MTMR7: variants seen among roughly 807,000 people sequenced by gnomAD.
MTMR7 encodes myotubularin related protein 7.
In MTMR7, 76 loss-of-function variants were observed where a neutral mutation model predicts 81.2. The ratio of observed to expected loss-of-function variants is 0.94; its 90% CI spans 0.78 to 1.13. The LOEUF is 1.13. Among genes scored for constraint, MTMR7 ranks in the 50% most tolerant of loss-of-function variants. The pLI is 0.00. For synonymous variants in MTMR7, 372 were observed against 289.8 expected, an observed-to-expected ratio of 1.28 and a Z score of -2.88; for missense variants, 1,044 against 820.0, an observed-to-expected ratio of 1.27 and a Z score of -3.34.
At chr8:17,373,269 T>G in intron 1 of MTMR7, 29 bp from the exon 2 acceptor site, 1 of 1,600,414 alleles carries the variant, frequency 6.2e-7, no homozygotes, top group Non-Finnish European at 8.5e-7. Context: ...TGAAAAGAGT[T>G]ACCGTAAAGC....
At chr8:17,393,453 A>G (rs923681292) in intron 1 of MTMR7, among the ~76,000 whole-genome samples, 11 of 152,228 alleles carry the variant, frequency 7.2e-5, no homozygotes, top group Admixed American at 5.9e-4. Context: ...AGAATGAAAG[A>G]AAATATTTGC....
chr8:17,343,851 T>G (rs1015157476), intron 5 of MTMR7, among the ~76,000 whole-genome samples: 2 of 152,210 alleles, frequency 1.3e-5, no homozygotes, highest in Non-Finnish European at 2.9e-5. Context: ...GTAGTCTCAG[T>G]GCTTTTGTGC....
At chr8:17,313,819 T>C (rs6587030) in intron 7 of MTMR7, among the ~76,000 whole-genome samples, 151,613 of 152,314 alleles carry the variant, frequency 1, 75,462 homozygotes, top group Middle Eastern at 1. Flanking sequence ...TAGAAGTTTC[T>C]GTCACCCAAC....
At chr8:17,321,363 C>A (rs1818381106) in intron 7 of MTMR7, among the ~76,000 whole-genome samples, 1 of 152,204 alleles carries the variant, frequency 6.6e-6, no homozygotes, top group African/African-American at 2.4e-5. Context: ...GTGGCTCTCA[C>A]CATGTCAGCA....
At chr8:17,404,885 G>A (rs927915167) in intron 1 of MTMR7, among the ~76,000 whole-genome samples, 3 of 152,176 alleles carry the variant, frequency 2.0e-5, no homozygotes, top group African/African-American at 7.2e-5. Flanking sequence ...GAGTGCAGCG[G>A]CGCGATCTCA....
intron 3 of MTMR7, 91 bp from the exon 4 acceptor site, chr8:17,361,365 C>G: frequency 6.9e-7 from 1 of 1,441,352 alleles, no homozygotes; most frequent in Non-Finnish European, 9.6e-7. Flanking sequence ...CTGGAGTGCC[C>G]AGAGAGGCCA....
chr8:17,371,292 G>C (rs1820413688), intron 2 of MTMR7, 93 bp from the exon 3 acceptor site: 3 of 1,414,108 alleles, frequency 2.1e-6, no homozygotes, highest in Non-Finnish European at 2.9e-6. Context: ...AGAAAGACAA[G>C]AAACGCTCCC....
chr8:17,393,999 A>G (rs1193327823), intron 1 of MTMR7, among the ~76,000 whole-genome samples: 1 of 152,210 alleles, frequency 6.6e-6, no homozygotes, highest in East Asian at 1.9e-4. Context: ...AACTACCACA[A>G]GATACCGCTT....
intron 7 of MTMR7, among the ~76,000 whole-genome samples, chr8:17,330,335 C>T (rs1030525136): frequency 1.8e-4 from 27 of 152,188 alleles, no homozygotes; most frequent in Non-Finnish European, 3.4e-4. Context: ...CAGGGCTTTC[C>T]CCAGAAGCGC....
At chr8:17,378,955 A>G (rs73551326) in intron 1 of MTMR7, among the ~76,000 whole-genome samples, 6,295 of 152,286 alleles carry the variant, frequency 0.041, 307 homozygotes, top group African/African-American at 0.11. Context: ...GCGAGCAGGC[A>G]GAGTGAGAAG....
chr8:17,337,314 G>A (rs546414152), intron 6 of MTMR7, among the ~76,000 whole-genome samples: 6 of 148,816 alleles, frequency 4.0e-5, no homozygotes, highest in Non-Finnish European at 7.4e-5. Context: ...GCAGTGATCC[G>A]AGATCGTGCC....
chr8:17,333,874 C>G (rs1208443423), intron 6 of MTMR7, among the ~76,000 whole-genome samples: 2 of 151,812 alleles, frequency 1.3e-5, no homozygotes, highest in Admixed American at 6.6e-5. Flanking sequence ...CCTTCACCCA[C>G]AAGGGACAGG....
At chr8:17,381,945 T>A (rs1314287208) in intron 1 of MTMR7, among the ~76,000 whole-genome samples, 1 of 152,214 alleles carries the variant, frequency 6.6e-6, no homozygotes, top group African/African-American at 2.4e-5. Context: ...TCCCTGCATT[T>A]TGACTTCTAT....
At chr8:17,308,601 G>T (rs1165212420) in intron 10 of MTMR7, among the ~76,000 whole-genome samples, 1 of 152,068 alleles carries the variant, frequency 6.6e-6, no homozygotes, top group Non-Finnish European at 1.5e-5. Context: ...TATCACCAAA[G>T]ACTAAACTAA....
rs566489588 is a variant in MTMR7 at position 17,343,316 on chromosome 8, G to C, written c.598-1819C>G. On this transcript the variant is annotated intron_variant, in intron 5 of 13. Transcript: ENST00000180173. ...ATGGTGGTACACACATGCAATCCCAGATACCCAGGGGGCTGAGGCAGGAGA... is the reference window on the plus strand; with the variant it reads ...ATGGTGGTACACACATGCAATCCCACATACCCAGGGGGCTGAGGCAGGAGA... 5.3e-5 allele frequency among the ~76,000 whole-genome samples: 8 copies of C among 152,164 alleles called. No homozygotes were observed. The South Asian group carries it at 1.7e-3, about 32-fold the overall frequency.
rs145218168 is a variant in MTMR7 at position 17,376,753 on chromosome 8, G to A, written c.25-3513C>T. Among the ~76,000 whole-genome samples, 902 of 152,160 alleles carry A rather than the reference G, an allele frequency of 5.9e-3. 10 individuals are homozygous for A. The highest frequency in any genetic ancestry group is 0.021 in the African/African-American group (862 of 41,516). The stretch of plus-strand genomic sequence containing the variant: ...ATTATCTTTTACCATTGAGTTTCAT[G>A]CTGATATTTATTATCGCATCGTGAA... On this transcript the variant is annotated intron_variant, in intron 1 of 13. Transcript: ENST00000180173.
chr8:17,305,140 TTTTC>T lies in MTMR7; in HGVS notation c.1352+613_1352+616del, dbSNP rs569542724. On this transcript the variant is annotated intron_variant, in intron 11 of 13. Transcript: ENST00000180173. ...AACTAGTATCCACTACAAAAATTAA[TTTTC>T]TTTATGAGTCCATTTCATTTGAACT... 1.1e-3 allele frequency among the ~76,000 whole-genome samples: 161 copies of T among 152,304 alleles called. 8 individuals are homozygous for T. The South Asian group carries it at 0.031, about 30-fold the overall frequency.
chr8:17,374,301 C>T (rs531193663), intron 1 of MTMR7, among the ~76,000 whole-genome samples: 2 of 152,272 alleles, frequency 1.3e-5, no homozygotes, highest in African/African-American at 4.8e-5. Flanking sequence ...GCCTGGCCAA[C>T]GTGGTGAAAT....
At chr8:17,306,402 T>C (rs571772493) in intron 10 of MTMR7, among the ~76,000 whole-genome samples, 3 of 151,578 alleles carry the variant, frequency 2.0e-5, no homozygotes, top group South Asian at 4.2e-4. Flanking sequence ...AAAAAAAAAA[T>C]AGTGGTTTCC....
Sources: gnomAD v4.1 joint callset for allele counts (sites outside exome capture counted in the v4.1 genomes callset) on GRCh38, gnomAD v4.1.1 for gene constraint, MANE v1.5 for transcripts, NCBI Gene and HGNC (gene_info 2026-07-23, HGNC 2026-07-21) for gene names.